The following ACYP2 variants were observed in gnomAD, a reference collection of about 807,000 sequenced individuals.
ACYP2 encodes the protein acylphosphatase-2.
Under a neutral mutation model 11.2 loss-of-function variants are expected in ACYP2, and 12 were observed. That is an observed-to-expected ratio of 1.08 (90% CI 0.69 to 1.74). ACYP2 has a LOEUF of 1.74. Ranked by LOEUF, ACYP2 falls within the 40% of genes most tolerant of loss-of-function variation. The probability of loss-of-function intolerance (pLI) is 0.00; values close to 1 mark genes in which losing one functional copy is unlikely to be tolerated. For synonymous variants in ACYP2, 43 were observed against 32.2 expected (o/e 1.33, Z -1.13); for missense variants, 134 against 101.9 (o/e 1.31, Z -1.35).
intron 2 of ACYP2, among the ~76,000 whole-genome samples, chr2:54,045,766 A>T (rs923555551): frequency 7.3e-5 from 11 of 151,614 alleles, no homozygotes; most frequent in African/African-American, 2.7e-4. Flanking sequence ...CAGTGAGCCA[A>T]AATCACGCCA....
At chr2:54,051,407 C>T (rs1050682871) in intron 3 of ACYP2, 2 of 725,210 alleles carry the variant, frequency 2.8e-6, no homozygotes, top group African/African-American at 1.8e-5. Context: ...GTAGAGAAGG[C>T]CCATTATGAA....
chr2:54,078,411 C>T (rs1354113907), intron 4 of ACYP2, among the ~76,000 whole-genome samples: 1 of 144,494 alleles, frequency 6.9e-6, no homozygotes, highest in Non-Finnish European at 1.5e-5. Flanking sequence ...ATATGCGTAC[C>T]ATATATGGTA....
intron 4 of ACYP2, among the ~76,000 whole-genome samples, chr2:54,119,777 C>T (rs1680038413): frequency 6.6e-6 from 1 of 152,120 alleles, no homozygotes; most frequent in African/African-American, 2.4e-5. Flanking sequence ...TTACTTTTTT[C>T]AAGGTTTCCT....
At chr2:54,005,011 T>A (rs113173705) in intron 2 of ACYP2, among the ~76,000 whole-genome samples, 3,789 of 152,184 alleles carry the variant, frequency 0.025, 151 homozygotes, top group African/African-American at 0.087. Flanking sequence ...TTCTCCAGTG[T>A]GTGGCTTGTC....
At chr2:54,201,644 T>TTCTTTCTTTCTTTC (rs1684814835) in intron 6 of ACYP2, among the ~76,000 whole-genome samples, 1 of 88,130 alleles carries the variant, frequency 1.1e-5, no homozygotes, top group African/African-American at 4.5e-5. Flanking sequence ...TTCTCTTTCT[T>TTCTTTCTTTCTTTC]TCTTTCTTTC....
intron 6 of ACYP2, among the ~76,000 whole-genome samples, chr2:54,239,029 T>TATTTAGGG (rs1686619694): frequency 6.6e-6 from 1 of 152,096 alleles, no homozygotes; most frequent in African/African-American, 2.4e-5. Context: ...ATGTCTTTTG[T>TATTTAGGG]AAATTTATTT....
intron 6 of ACYP2, among the ~76,000 whole-genome samples, chr2:54,241,554 G>GT (rs376884673): frequency 0.024 from 3,549 of 150,152 alleles, 86 homozygotes; most frequent in Non-Finnish European, 0.026. Flanking sequence ...AAGTTTTGCA[G>GT]TTTTTTTTTT....
chr2:54,072,681 G>C (rs1160483452), intron 4 of ACYP2, among the ~76,000 whole-genome samples: 1 of 151,348 alleles, frequency 6.6e-6, no homozygotes, highest in African/African-American at 2.4e-5. Flanking sequence ...TTGTGCCTCA[G>C]GCTCCTGAGT....
chr2:54,094,473 C>A (rs983917448), intron 4 of ACYP2, among the ~76,000 whole-genome samples: 1 of 152,214 alleles, frequency 6.6e-6, no homozygotes, highest in South Asian at 2.1e-4. Context: ...AGGTGATCTA[C>A]CCACCTCGGC....
intron 6 of ACYP2, chr2:54,255,086 C>G: frequency 6.2e-7 from 1 of 1,614,084 alleles, no homozygotes. Flanking sequence ...AGGCTGTGGT[C>G]TGAAAACCAG....
At chr2:54,255,598 CT>C in intron 6 of ACYP2, 2 of 1,613,582 alleles carry the variant, frequency 1.2e-6, no homozygotes, top group Non-Finnish European at 1.7e-6. Flanking sequence ...CCCTGCCTCC[CT>C]GTTTACCTCA....
intron 6 of ACYP2, among the ~76,000 whole-genome samples, chr2:54,271,353 G>A (rs1227389646): frequency 6.6e-6 from 1 of 152,086 alleles, no homozygotes; most frequent in Non-Finnish European, 1.5e-5. Context: ...CCCCAATTGC[G>A]CCCATAGATA....
chr2:54,215,486 T>G (rs1388800703), intron 6 of ACYP2, among the ~76,000 whole-genome samples: 1 of 152,180 alleles, frequency 6.6e-6, no homozygotes, highest in African/African-American at 2.4e-5. Flanking sequence ...TACATTTTAT[T>G]TATTACCCAA....
chr2:54,027,034 C>T (rs1002557894), intron 2 of ACYP2, among the ~76,000 whole-genome samples: 31 of 152,096 alleles, frequency 2.0e-4, no homozygotes, highest in African/African-American at 7.0e-4. Flanking sequence ...AAACATTATC[C>T]GTTCTCCAAT....
At chr2:54,047,945 G>T (rs1675613151) in intron 2 of ACYP2, among the ~76,000 whole-genome samples, 1 of 152,216 alleles carries the variant, frequency 6.6e-6, no homozygotes, top group Non-Finnish European at 1.5e-5. Flanking sequence ...GATCTGGGAA[G>T]TGAGTTCTTT....
chr2:54,243,661 C>A (rs1232906690), intron 6 of ACYP2, among the ~76,000 whole-genome samples: 2 of 152,100 alleles, frequency 1.3e-5, no homozygotes, highest in African/African-American at 4.8e-5. Context: ...CCTCTGCCTC[C>A]CTGGTTCAAG....
chr2:54,225,141 A>G (rs1314560631), intron 6 of ACYP2, among the ~76,000 whole-genome samples: 1 of 152,182 alleles, frequency 6.6e-6, no homozygotes, highest in African/African-American at 2.4e-5. Flanking sequence ...GTGCCATGTT[A>G]GTTACTAGGG....
intron 4 of ACYP2, among the ~76,000 whole-genome samples, chr2:54,094,165 T>C (rs1344572674): frequency 6.6e-6 from 1 of 152,066 alleles, no homozygotes; most frequent in Non-Finnish European, 1.5e-5. Context: ...TCACTCATGG[T>C]TGGCTTGCAA....
At chr2:54,095,524 C>A (rs1167682437) in intron 4 of ACYP2, among the ~76,000 whole-genome samples, 2 of 149,492 alleles carry the variant, frequency 1.3e-5, no homozygotes, top group Non-Finnish European at 3.0e-5. Context: ...CTGACCCCCC[C>A]ACCTCCCTCC....
Sources: gnomAD v4.1 joint callset for allele counts (sites outside exome capture counted in the v4.1 genomes callset) on GRCh38, gnomAD v4.1.1 for gene constraint, MANE v1.5 for transcripts, NCBI Gene and HGNC (gene_info 2026-07-23, HGNC 2026-07-21) for gene names.